Variants in DLGAP1 observed in about 807,000 individuals in gnomAD.
DLGAP1 encodes disks large-associated protein 1.
A neutral mutation model predicts 90.8 loss-of-function variants in DLGAP1; 11 were observed. The ratio of observed to expected loss-of-function variants is 0.12; its 90% CI spans 0.08 to 0.20. The LOEUF (loss-of-function observed/expected upper bound fraction) is 0.20, where lower values mean the gene tolerates loss of function less well. Among genes scored for constraint, DLGAP1 ranks in the 10% least tolerant of loss-of-function variants. The pLI, the probability that DLGAP1 is intolerant of heterozygous loss-of-function variation, is 1.00. For synonymous variants in DLGAP1, 558 were observed against 540.7 expected (o/e 1.03, Z -0.44); for missense variants, 1,050 against 1,333.8 (o/e 0.79, Z 3.31).
chr18:4,049,886 G>A (rs1387458561), intron 2 of DLGAP1, among the ~76,000 whole-genome samples: 1 of 150,600 alleles, frequency 6.6e-6, no homozygotes, highest in Admixed American at 6.6e-5. Context: ...GTCTATTCAC[G>A]TATCTACCTA....
At chr18:4,015,562 G>A (rs757141832) in intron 2 of DLGAP1, among the ~76,000 whole-genome samples, 5 of 151,984 alleles carry the variant, frequency 3.3e-5, no homozygotes, top group Non-Finnish European at 7.4e-5. Context: ...TTGCTTTTAG[G>A]GAAAATTTAA....
intron 1 of DLGAP1, among the ~76,000 whole-genome samples, chr18:4,232,839 C>T (rs2078329128): frequency 6.6e-6 from 1 of 152,072 alleles, no homozygotes; most frequent in African/African-American, 2.4e-5. Flanking sequence ...GGTGAAACCG[C>T]CAGCACCTTT....
At chr18:3,882,262 C>T (rs754860486) in intron 3 of DLGAP1, among the ~76,000 whole-genome samples, 6 of 151,872 alleles carry the variant, frequency 4.0e-5, no homozygotes, top group Non-Finnish European at 7.4e-5. Context: ...CAAGACCAGG[C>T]GTGGTGGCTG....
chr18:3,551,710 C>CACTT (rs1285726163), intron 9 of DLGAP1, among the ~76,000 whole-genome samples: 413 of 31,236 alleles, frequency 0.013, 41 homozygotes, highest in African/African-American at 0.063. Context: ...CTCCCTCCCT[C>CACTT]CCTCCCTCCC....
At chr18:4,282,328 C>G (rs563619441) in intron 1 of DLGAP1, among the ~76,000 whole-genome samples, 1 of 142,756 alleles carries the variant, frequency 7.0e-6, no homozygotes, top group Admixed American at 7.2e-5. Context: ...CGTGCCACTG[C>G]ATTCCAACCT....
chr18:3,714,760 G>A (rs1397436294), intron 7 of DLGAP1, among the ~76,000 whole-genome samples: 1 of 148,118 alleles, frequency 6.8e-6, no homozygotes, highest in Non-Finnish European at 1.5e-5. Flanking sequence ...CAGCCTCCCC[G>A]AGTAGCTGGG....
intron 7 of DLGAP1, among the ~76,000 whole-genome samples, chr18:3,610,909 A>AT (rs960082123): frequency 1.4e-5 from 2 of 146,516 alleles, no homozygotes; most frequent in Non-Finnish European, 3.0e-5. Context: ...TTTCATATGT[A>AT]TTTTTTTCCT....
At chr18:3,968,635 C>A (rs944623037) in intron 3 of DLGAP1, among the ~76,000 whole-genome samples, 1 of 152,146 alleles carries the variant, frequency 6.6e-6, no homozygotes, top group Non-Finnish European at 1.5e-5. Flanking sequence ...AGAGAGAACA[C>A]AGTAATATTT....
chr18:3,554,709 T>G (rs900149401), intron 9 of DLGAP1, among the ~76,000 whole-genome samples: 2 of 152,170 alleles, frequency 1.3e-5, no homozygotes, highest in Non-Finnish European at 2.9e-5. Context: ...ACTAATGAGT[T>G]TTTAACTTCT....
At chr18:3,719,195 TAGG>T (rs770472095) in intron 7 of DLGAP1, among the ~76,000 whole-genome samples, 4 of 152,048 alleles carry the variant, frequency 2.6e-5, no homozygotes, top group Admixed American at 6.6e-5. Flanking sequence ...ATGTGGATAC[TAGG>T]AGATCTTTGT....
At chr18:4,037,175 C>A (rs944926148) in intron 2 of DLGAP1, among the ~76,000 whole-genome samples, 5 of 152,152 alleles carry the variant, frequency 3.3e-5, no homozygotes, top group African/African-American at 1.2e-4. Context: ...AGGAAATATA[C>A]TGTCAATGCA....
chr18:4,402,691 T>C (rs943680346), intron 1 of DLGAP1, among the ~76,000 whole-genome samples: 1 of 152,162 alleles, frequency 6.6e-6, no homozygotes, highest in Non-Finnish European at 1.5e-5. Flanking sequence ...GGTAAAAAGT[T>C]GCTTTGCAAA....
intron 2 of DLGAP1, among the ~76,000 whole-genome samples, chr18:4,046,656 A>G (rs2075059011): frequency 6.6e-6 from 1 of 152,246 alleles, no homozygotes; most frequent in Non-Finnish European, 1.5e-5. Context: ...AGTGTTCTCA[A>G]TAGATGTTTT....
At chr18:3,947,046 G>A (rs970319272) in intron 3 of DLGAP1, among the ~76,000 whole-genome samples, 2 of 152,130 alleles carry the variant, frequency 1.3e-5, no homozygotes, top group African/African-American at 4.8e-5. Context: ...GGCAGCTAGA[G>A]AGGAGAGAGA....
intron 1 of DLGAP1, among the ~76,000 whole-genome samples, chr18:4,432,589 A>T (rs1221989250): frequency 1.8e-5 from 2 of 111,394 alleles, no homozygotes; most frequent in African/African-American, 6.1e-5. Context: ...CACCTCACAT[A>T]GTGTGTGTGT....
chr18:4,088,802 C>A (rs771960609), intron 2 of DLGAP1, among the ~76,000 whole-genome samples: 13 of 152,040 alleles, frequency 8.6e-5, no homozygotes, highest in Non-Finnish European at 1.5e-4. Flanking sequence ...GGACATATCT[C>A]AAAATAACAA....
intron 1 of DLGAP1, among the ~76,000 whole-genome samples, chr18:4,340,031 T>A (rs960970760): frequency 1.3e-5 from 2 of 152,212 alleles, no homozygotes; most frequent in African/African-American, 4.8e-5. Flanking sequence ...GACCCCCAGC[T>A]GATGCCTGAA....
At chr18:4,299,383 T>G (rs481996) in intron 1 of DLGAP1, among the ~76,000 whole-genome samples, 125,466 of 152,160 alleles carry the variant, frequency 0.82, 52,559 homozygotes, top group East Asian at 0.96. Flanking sequence ...ATGTGTTTGA[T>G]TTTTTTAATT....
chr18:3,829,171 T>G (rs2067894328), intron 4 of DLGAP1, among the ~76,000 whole-genome samples: 3 of 152,332 alleles, frequency 2.0e-5, no homozygotes, highest in South Asian at 4.1e-4. Flanking sequence ...TTTGGCCTAA[T>G]TACCTGAACA....
Sources: gnomAD v4.1 joint callset for allele counts (sites outside exome capture counted in the v4.1 genomes callset) on GRCh38, gnomAD v4.1.1 for gene constraint, MANE v1.5 for transcripts, NCBI Gene and HGNC (gene_info 2026-07-23, HGNC 2026-07-21) for gene names.